The following PTCD2 variants were observed in gnomAD, a reference collection of about 807,000 sequenced individuals.
PTCD2 encodes the protein pentatricopeptide repeat-containing protein 2, mitochondrial.
In PTCD2, 31 loss-of-function variants were observed where a neutral mutation model predicts 42.6. That is an observed-to-expected ratio of 0.73 (90% confidence interval 0.55 to 0.98). The LOEUF (loss-of-function observed/expected upper bound fraction) is 0.98. PTCD2 is among the 50% of genes least tolerant of loss of function. The pLI is 0.00. For missense variants in PTCD2, 476 were observed against 454.8 expected (o/e 1.05, Z -0.42); for synonymous variants, 183 against 170.9 (o/e 1.07, Z -0.55).
At position 72,361,251 on chromosome 5, in the gene PTCD2, G is replaced by A. The variant is rs971857037; in HGVS notation, c.*2824G>A. On this transcript the variant is annotated 3_prime_UTR_variant, in exon 10 of 10. Coordinates refer to ENST00000380639, the MANE Select transcript of PTCD2 (RefSeq NM_024754.5). ...GTGACTTTAAACAACACCAGTCATTGTGTTATTTCTCATTATCCTAAGTAC... is the reference window on the plus strand; with the variant it reads ...GTGACTTTAAACAACACCAGTCATTATGTTATTTCTCATTATCCTAAGTAC... The A allele has an allele frequency of 2.6e-5, 4 of 152,202 alleles. No homozygotes were observed. The highest frequency in any genetic ancestry group is 4.4e-5 in the Non-Finnish European group (3 of 68,038). The allele number at this position is 152,202 out of a possible 1,614,324, so 9.4% of individuals were successfully genotyped here. A position where few individuals can be genotyped will look rare whatever the true frequency, so the allele number is the denominator to read the frequency against.
intron 8 of PTCD2, among the ~76,000 whole-genome samples, chr5:72,350,328 A>G (rs1752561176): frequency 6.6e-6 from 1 of 152,236 alleles, no homozygotes; most frequent in Non-Finnish European, 1.5e-5. Context: ...GAATATTAGC[A>G]TCTTTGCATC....
At chr5:72,324,691 A>T (rs1302810143) in intron 2 of PTCD2, among the ~76,000 whole-genome samples, 1 of 152,154 alleles carries the variant, frequency 6.6e-6, no homozygotes, top group Admixed American at 6.6e-5. Flanking sequence ...TTATGTTTAT[A>T]GTATTCATGT....
At position 72,331,238 on chromosome 5, in the gene PTCD2, T is replaced by G; in HGVS notation, c.351-20T>G. 6.7e-7 allele frequency: 1 copy of G among 1,500,980 alleles called. No individual in the cohort carries two copies. The highest frequency in any genetic ancestry group is 9.3e-7 in the Non-Finnish European group (1 of 1,076,768). 93.0% of individuals were successfully genotyped at this position (1,500,980 alleles called of 1,614,324 possible). On this transcript the variant is annotated intron_variant, in intron 3 of 9. Coordinates refer to ENST00000380639, the MANE Select transcript of PTCD2 (RefSeq NM_024754.5). ...TCCTGTGTCCTACCTTTTGGCTCAT[T>G]GAATCATTTTCATTACCAGGTACCA...
rs1438461214 is a variant in PTCD2 at position 72,367,923 on chromosome 5, T to C, written c.*9496T>C. The C allele has an allele frequency of 2.0e-5, 3 of 152,224 alleles. No homozygotes were observed. The highest frequency in any genetic ancestry group is 7.2e-5 in the African/African-American group (3 of 41,438). The allele number at this position is 152,224 out of a possible 1,614,324, so 9.4% of individuals were successfully genotyped here. A position where few individuals can be genotyped will look rare whatever the true frequency, so the allele number is the denominator to read the frequency against. On this transcript the variant is annotated 3_prime_UTR_variant, in exon 10 of 10. Coordinates refer to ENST00000380639, the MANE Select transcript of PTCD2 (RefSeq NM_024754.5). ...GCTGGGCGGTTAACCAGTGAACCAA[T>C]TGAGTGGCTCTGGGCTCCTATACCC...
intron 9 of PTCD2, among the ~76,000 whole-genome samples, chr5:72,353,278 CAGA>C (rs1752709254): frequency 6.6e-6 from 1 of 152,188 alleles, no homozygotes. Flanking sequence ...AGCATCAGTC[CAGA>C]AGTTGACTCA....
intron 8 of PTCD2, among the ~76,000 whole-genome samples, chr5:72,347,182 A>C (rs1269796517): frequency 6.6e-6 from 1 of 152,230 alleles, no homozygotes; most frequent in Non-Finnish European, 1.5e-5. Flanking sequence ...TCTGACTGCG[A>C]AGCCTAGGGT....
chr5:72,356,651 A>G (rs1486644255), intron 9 of PTCD2, among the ~76,000 whole-genome samples: 3 of 152,256 alleles, frequency 2.0e-5, no homozygotes, highest in African/African-American at 7.2e-5. Flanking sequence ...GTTATGTAAC[A>G]GAACTGTTAC....
chr5:72,341,572 A>T (rs1354764135), intron 7 of PTCD2, among the ~76,000 whole-genome samples: 1 of 151,970 alleles, frequency 6.6e-6, no homozygotes, highest in Admixed American at 6.6e-5. Context: ...GTCTCTACAA[A>T]AAATAAATAA....
chr5:72,335,025 G>C lies in PTCD2; in HGVS notation c.476G>C (p.Arg159Pro). Residue 159 changes from arginine to proline, a missense_variant, in exon 5 of 10, where the codon CGA becomes CCA. Arg to Pro is a moderately radical substitution (Grantham distance 103, BLOSUM62 -2). Coordinates refer to ENST00000380639, the MANE Select transcript of PTCD2 (RefSeq NM_024754.5). ...ATTGTTCTTCTTCGTTAGCATTTACGAGGTTTCTTCTCAGACTCCACATCA... is the reference window on the plus strand; with the variant it reads ...ATTGTTCTTCTTCGTTAGCATTTACCAGGTTTCTTCTCAGACTCCACATCA... ...AVELMKDQHL[R>P]GFFSDSTSFN... 1 of 1,587,868 alleles carries C rather than the reference G, an allele frequency of 6.3e-7. No homozygotes were observed. Among genetic ancestry groups the C allele is most frequent in the Non-Finnish European group, 8.6e-7 (1 of 1,157,020 alleles).
intron 4 of PTCD2, among the ~76,000 whole-genome samples, chr5:72,331,873 T>A (rs1751457158): frequency 6.6e-6 from 1 of 152,260 alleles, no homozygotes; most frequent in Non-Finnish European, 1.5e-5. Context: ...ATATTTACTA[T>A]GTCTTCAGCA....
At chr5:72,328,737 C>T (rs1751273067) in intron 3 of PTCD2, among the ~76,000 whole-genome samples, 1 of 151,858 alleles carries the variant, frequency 6.6e-6, no homozygotes, top group South Asian at 2.1e-4. Context: ...TAATCATATC[C>T]TTAGGAATCA....
intron 3 of PTCD2, among the ~76,000 whole-genome samples, chr5:72,327,772 C>G (rs2112134811): frequency 6.6e-6 from 1 of 152,180 alleles, no homozygotes; most frequent in Non-Finnish European, 1.5e-5. Context: ...ACGCCCAGCC[C>G]TCCTTTCCAT....
In PTCD2 at chr5:72,354,901, G is replaced by T. The variant is rs147338630; in HGVS notation, c.942+2147G>T. 2.5e-3 allele frequency among the ~76,000 whole-genome samples: 382 copies of T among 152,310 alleles called. 3 individuals are homozygous for T. The highest frequency in any genetic ancestry group is 0.018 in the Admixed American group (273 of 15,294). On this transcript the variant is annotated intron_variant, in intron 9 of 9. Transcript: ENST00000380639. ...TACAAAGGACAGGAAATGAGGAACA[G>T]CTACATCATATACTGCTATGGATTA...
At chr5:72,356,562 G>C (rs1190367400) in intron 9 of PTCD2, among the ~76,000 whole-genome samples, 1 of 152,204 alleles carries the variant, frequency 6.6e-6, no homozygotes, top group Non-Finnish European at 1.5e-5. Flanking sequence ...GTTATGTAGG[G>C]AGATAAGACT....
intron 8 of PTCD2, among the ~76,000 whole-genome samples, chr5:72,349,592 C>G (rs1752518503): frequency 6.6e-6 from 1 of 152,064 alleles, no homozygotes; most frequent in Non-Finnish European, 1.5e-5. Flanking sequence ...TCAAAGGTAT[C>G]TAGTAACGTA....
At chr5:72,346,941 G>T (rs934155400) in intron 8 of PTCD2, among the ~76,000 whole-genome samples, 1 of 152,206 alleles carries the variant, frequency 6.6e-6, no homozygotes, top group Admixed American at 6.5e-5. Context: ...ATTGAAGCAA[G>T]GTTGAGGGTT....
intron 8 of PTCD2, among the ~76,000 whole-genome samples, chr5:72,348,629 G>A (rs1320735553): frequency 6.6e-6 from 1 of 152,194 alleles, no homozygotes; most frequent in African/African-American, 2.4e-5. Flanking sequence ...ACCCTCTTTA[G>A]CAATGCTGCT....
chr5:72,350,076 C>A (rs536144370), intron 8 of PTCD2, among the ~76,000 whole-genome samples: 1 of 152,284 alleles, frequency 6.6e-6, no homozygotes, highest in South Asian at 2.1e-4. Context: ...GAGGGCTGGC[C>A]AGTTGCCTTG....
At chr5:72,324,689 A>G (rs1751046424) in intron 2 of PTCD2, among the ~76,000 whole-genome samples, 1 of 152,142 alleles carries the variant, frequency 6.6e-6, no homozygotes, top group South Asian at 2.1e-4. Flanking sequence ...TATTATGTTT[A>G]TAGTATTCAT....
Sources: allele counts gnomAD v4.1 joint callset (sites outside exome capture counted in the v4.1 genomes callset), GRCh38; gene constraint gnomAD v4.1.1; transcripts MANE v1.5; gene names NCBI Gene and HGNC (gene_info 2026-07-23, HGNC 2026-07-21).